The following EBF4 variants were observed in gnomAD, a reference collection of about 807,000 sequenced individuals.
EBF4 encodes the protein transcription factor COE4.
Under a neutral mutation model 67.1 loss-of-function variants are expected in EBF4, and 34 were observed. That is an observed-to-expected ratio of 0.51 (90% CI 0.39 to 0.67). The LOEUF is 0.67. EBF4 is among the 30% of genes least tolerant of loss of function. EBF4 has a pLI of 0.00. For synonymous variants in EBF4, 387 were observed against 377.7 expected (o/e 1.02, Z -0.29); for missense variants, 837 against 873.3 (o/e 0.96, Z 0.52).
At chr20:2,749,676 G>A in exon 9 of EBF4, 1 of 1,567,480 alleles carries the variant, frequency 6.4e-7, no homozygotes, top group South Asian at 1.2e-5. Flanking sequence ...CACGGGCGGC[G>A]CCACCGTCAT....
chr20:2,723,595 C>T (rs1261471383), intron 6 of EBF4, among the ~76,000 whole-genome samples: 7 of 152,122 alleles, frequency 4.6e-5, no homozygotes, highest in Non-Finnish European at 2.9e-5. Flanking sequence ...GTGATCCACC[C>T]GCCTCGGCCT....
chr20:2,694,110 G>A (rs1316020269), intron 1 of EBF4, among the ~76,000 whole-genome samples: 2 of 152,248 alleles, frequency 1.3e-5, no homozygotes, highest in Non-Finnish European at 2.9e-5. Flanking sequence ...CACAGCCACC[G>A]GCCGTCTAGG....
At chr20:2,736,494 C>T (rs1001448528) in intron 6 of EBF4, among the ~76,000 whole-genome samples, 1 of 152,226 alleles carries the variant, frequency 6.6e-6, no homozygotes, top group Non-Finnish European at 1.5e-5. Flanking sequence ...CTGTTTTCCT[C>T]TACAGCCACA....
intron 6 of EBF4, among the ~76,000 whole-genome samples, chr20:2,722,089 G>C (rs2087688853): frequency 6.6e-6 from 1 of 151,928 alleles, no homozygotes; most frequent in Middle Eastern, 3.2e-3. Flanking sequence ...TTTTGAGATG[G>C]GAGTCTCACT....
At chr20:2,729,239 G>A (rs925402789) in intron 6 of EBF4, among the ~76,000 whole-genome samples, 2 of 151,852 alleles carry the variant, frequency 1.3e-5, no homozygotes, top group Non-Finnish European at 2.9e-5. Context: ...CCTATTGAGC[G>A]CATTTTCGCA....
In EBF4 at chr20:2,751,657, G is replaced by T. The variant is rs1450949115; in HGVS notation, c.1019-43G>T. On this transcript the variant is annotated intron_variant, in intron 10 of 16. Transcript: ENST00000609451. This position sits in a 1 kb window ranked among gnomAD's most constrained non-coding sequence, Gnocchi z 5.2. ...CCTGCGTCTCACCCTGGGAGTGGGG[G>T]GCTGCGGGGGAGACGTCCTCCAAAC... 6.5e-7 allele frequency: 1 copy of T among 1,542,222 alleles called. No individual in the cohort carries two copies. Among genetic ancestry groups the T allele is most frequent in the Non-Finnish European group, 8.8e-7 (1 of 1,139,902 alleles).
intron 1 of EBF4, 39 bp from the exon 2 acceptor site, chr20:2,705,516 CGCTGGAGTCTTTCTCACTGGGG>C: frequency 6.5e-7 from 1 of 1,549,374 alleles, no homozygotes; most frequent in South Asian, 1.2e-5. Context: ...TGGCCCGAGG[CGCTGGAGTCTTTCTCACTGGGG>C]GGCCTTCCAG....
chr20:2,748,562 T>G (rs1324173734), exon 7 of EBF4: 1 of 1,551,396 alleles, frequency 6.4e-7, no homozygotes, highest in East Asian at 2.4e-5. Context: ...CTTCCTCAAG[T>G]TCTTCCTCAA....
chr20:2,757,566 GGGA>G (rs1269386974), intron 15 of EBF4, among the ~76,000 whole-genome samples: 1 of 152,346 alleles, frequency 6.6e-6, no homozygotes, highest in African/African-American at 2.4e-5. Context: ...TTCTTAGTGG[GGGA>G]GGAATGCCCT....
rs967441959 is a variant in EBF4, at chr20:2,754,974, C to G, written c.1541-653C>G. On this transcript the variant is annotated intron_variant, in intron 14 of 16. Coordinates refer to ENST00000609451, the Ensembl canonical transcript of EBF4. ...AAGTGGGAGATTCAGGAGACCACCCCCCCCCACAGGGCCCAGGCTGGAGAT... is the reference window on the plus strand; with the variant it reads ...AAGTGGGAGATTCAGGAGACCACCCGCCCCCACAGGGCCCAGGCTGGAGAT... The G allele has an allele frequency of 1.9e-4, 20 of 103,684 alleles. 1 individual carries two copies. The highest frequency in any genetic ancestry group is 5.8e-4 in the African/African-American group (20 of 34,464). The allele number at this position is 103,684 out of a possible 1,614,324, so 6.4% of individuals were successfully genotyped here. A position where few individuals can be genotyped will look rare whatever the true frequency, so the allele number is the denominator to read the frequency against.
Position 2,747,335 on chromosome 20 carries a change from A to T in EBF4, c.558-1214A>T, listed in dbSNP as rs1183599193. Among the ~76,000 whole-genome samples the T allele has an allele frequency of 6.7e-6, 1 of 149,370 alleles. No homozygotes were observed. Among genetic ancestry groups the T allele is most frequent in the Non-Finnish European group, 1.5e-5 (1 of 67,248 alleles). Reference sequence around the variant, plus strand: ...AAACAAACAAAAAAAAAAAAACAGGAAAAAAAAGAGTACAACAGCCAGAAT... The same window carrying T: ...AAACAAACAAAAAAAAAAAAACAGGTAAAAAAAGAGTACAACAGCCAGAAT... On this transcript the variant is annotated intron_variant, in intron 6 of 16. Transcript: ENST00000609451. This position sits in a 1 kb window ranked among gnomAD's most constrained non-coding sequence, Gnocchi z 4.6.
chr20:2,749,327 C>A, intron 7 of EBF4, 74 bp from the exon 8 acceptor site: 1 of 1,169,896 alleles, frequency 8.5e-7, no homozygotes, highest in Non-Finnish European at 1.2e-6. Flanking sequence ...CCTCAAGGTG[C>A]TGGTTCCCCA....
Position 2,697,291 on chromosome 20 carries a change from A to G in EBF4, c.137+3509A>G, listed in dbSNP as rs182490482. 5.4e-3 allele frequency among the ~76,000 whole-genome samples: 818 copies of G among 152,230 alleles called. 9 individuals are homozygous for G. Among genetic ancestry groups the G allele is most frequent in the African/African-American group, 0.019 (771 of 41,544 alleles). On this transcript the variant is annotated intron_variant, in intron 1 of 16. Coordinates refer to ENST00000609451, the Ensembl canonical transcript of EBF4. ...CCGGGTGCGATGGCTCACGCCTGTAATCCCAGCACTTTGGGAGGCCGAGGC... is the reference window on the plus strand; with the variant it reads ...CCGGGTGCGATGGCTCACGCCTGTAGTCCCAGCACTTTGGGAGGCCGAGGC...
intron 6 of EBF4, among the ~76,000 whole-genome samples, chr20:2,715,301 GCT>G (rs1555786386): frequency 6.6e-6 from 1 of 152,096 alleles, no homozygotes; most frequent in Non-Finnish European, 1.5e-5. Flanking sequence ...CTTCTGCAAT[GCT>G]CTTTTTAAAT....
chr20:2,735,215 G>C (rs1357113109), intron 6 of EBF4, among the ~76,000 whole-genome samples: 1 of 152,196 alleles, frequency 6.6e-6, no homozygotes, highest in Admixed American at 6.5e-5. Flanking sequence ...TCAGGGAGTT[G>C]CTAGAAAGGT....
chr20:2,709,420 A>AG (rs11482460), intron 5 of EBF4, among the ~76,000 whole-genome samples, 154 bp from the exon 6 acceptor site: 15,405 of 151,922 alleles, frequency 0.1, 1,189 homozygotes, highest in East Asian at 0.27. Flanking sequence ...TTCTCCCCCA[A>AG]GCCCTGGGAG....
chr20:2,699,948 T>C (rs1720549874), intron 1 of EBF4, among the ~76,000 whole-genome samples: 1 of 152,224 alleles, frequency 6.6e-6, no homozygotes, highest in African/African-American at 2.4e-5. Flanking sequence ...GTCAAGGCTC[T>C]GCCTCCCCTG....
At chr20:2,705,454 T>G in intron 1 of EBF4, 123 bp from the exon 2 acceptor site, 4 of 1,393,252 alleles carry the variant, frequency 2.9e-6, no homozygotes, top group Non-Finnish European at 3.9e-6. Flanking sequence ...AGTTGGATTT[T>G]TTGCCCAAAC....
rs1289286281 is a variant in EBF4, at chr20:2,752,555, C to T, written c.1540+10C>T. ...ACCTCGCCCTTCGCCAGTGAGTGTC[C>T]CCCGCCCGCGAGGGAAGGTCTGGGG... On this transcript the variant is annotated intron_variant, in intron 14 of 16. Coordinates refer to ENST00000609451, the Ensembl canonical transcript of EBF4. 2.4e-6 allele frequency: 3 copies of T among 1,237,640 alleles called. No homozygotes were observed. The highest frequency in any genetic ancestry group is 3.0e-6 in the Non-Finnish European group (3 of 987,804). The allele number at this position is 1,237,640 out of a possible 1,614,324, so 76.7% of individuals were successfully genotyped here.
Sources: gnomAD v4.1 joint callset for allele counts (sites outside exome capture counted in the v4.1 genomes callset) on GRCh38, gnomAD v4.1.1 for gene constraint, Gnocchi (gnomAD v3.1) non-coding constraint, MANE v1.5 for transcripts, NCBI Gene and HGNC (gene_info 2026-07-23, HGNC 2026-07-21) for gene names.